The following PHACTR1 variants were observed in gnomAD, a reference collection of about 807,000 sequenced individuals.
The protein encoded by PHACTR1 is RPEL repeat containing 1.
A neutral mutation model predicts 69.2 loss-of-function variants in PHACTR1; 16 were observed. The observed-to-expected ratio is 0.23, with a 90% CI of 0.16 to 0.35. The LOEUF (loss-of-function observed/expected upper bound fraction) is 0.35, where lower values mean the gene tolerates loss of function less well. Ranked by LOEUF, PHACTR1 falls within the 10% of genes least tolerant of loss-of-function variation. The probability of loss-of-function intolerance (pLI) is 1.00; values close to 1 mark genes in which losing one functional copy is unlikely to be tolerated. For synonymous variants in PHACTR1, 312 were observed against 284.5 expected, an observed-to-expected ratio of 1.10 and a Z score of -0.97; for missense variants, 510 against 734.7, an observed-to-expected ratio of 0.69 and a Z score of 3.54.
intron 5 of PHACTR1, among the ~76,000 whole-genome samples, chr6:13,083,287 C>A (rs1811710289): frequency 6.6e-6 from 1 of 151,974 alleles, no homozygotes; most frequent in South Asian, 2.1e-4. Context: ...GGGCTCTGTT[C>A]TGTTCCATTG....
chr6:13,222,845 G>A (rs1041578813), intron 8 of PHACTR1, among the ~76,000 whole-genome samples: 2 of 152,194 alleles, frequency 1.3e-5, no homozygotes, highest in Non-Finnish European at 2.9e-5. Flanking sequence ...TGAATTATCT[G>A]GCCCAAAATG....
chr6:12,889,257 C>T (rs985250766), intron 4 of PHACTR1, among the ~76,000 whole-genome samples: 4 of 152,102 alleles, frequency 2.6e-5, no homozygotes, highest in South Asian at 2.1e-4. Flanking sequence ...GGCTACAGAG[C>T]GAGACCCAAT....
At chr6:12,727,611 C>G (rs897667599) in intron 3 of PHACTR1, among the ~76,000 whole-genome samples, 1 of 152,148 alleles carries the variant, frequency 6.6e-6, no homozygotes, top group African/African-American at 2.4e-5. Context: ...CTCTCACATA[C>G]CACACATGAG....
intron 4 of PHACTR1, among the ~76,000 whole-genome samples, chr6:13,047,427 T>C (rs967184317): frequency 1.3e-5 from 2 of 148,518 alleles, no homozygotes; most frequent in Non-Finnish European, 3.0e-5. Context: ...TTCAGCGTAG[T>C]GAGCTGACAG....
chr6:13,036,136 C>CAA lies in PHACTR1; in HGVS notation c.251-17219_251-17218dup, dbSNP rs143732239. Among the ~76,000 whole-genome samples, 57 of 142,800 alleles carry CAA rather than the reference C, an allele frequency of 4.0e-4. No individual in the cohort carries two copies. The South Asian group carries it at 6.9e-3, about 17-fold the overall frequency. The allele number at this position is 142,800 out of a possible 152,430, so 93.7% of individuals were successfully genotyped here. A position where few individuals can be genotyped will look rare whatever the true frequency, so the allele number is the denominator to read the frequency against. On this transcript the variant is annotated intron_variant, in intron 4 of 14. Transcript: ENST00000332995. ...TGGGATTAAATCCACCCCCGCATTC[C>CAA]AAAAAAAAAAAGACTGAAGAAAAGA...
intron 4 of PHACTR1, among the ~76,000 whole-genome samples, chr6:12,777,759 GA>G: frequency 6.7e-6 from 1 of 149,412 alleles, no homozygotes; most frequent in East Asian, 2.1e-4. Context: ...AGCCTCCCAA[GA>G]AGCTGGGATT....
intron 4 of PHACTR1, among the ~76,000 whole-genome samples, chr6:13,015,469 T>C (rs959525792): frequency 3.3e-5 from 5 of 152,166 alleles, no homozygotes; most frequent in African/African-American, 1.2e-4. Flanking sequence ...TCGAGACCTA[T>C]GGAATACAAA....
At chr6:13,225,137 G>GTGGATTTGTAACTAT (rs1769386406) in intron 8 of PHACTR1, among the ~76,000 whole-genome samples, 1 of 152,136 alleles carries the variant, frequency 6.6e-6, no homozygotes, top group Non-Finnish European at 1.5e-5. Context: ...TTACAAAAGG[G>GTGGATTTGTAACTAT]GTGGATTTAT....
intron 4 of PHACTR1, among the ~76,000 whole-genome samples, chr6:12,926,599 C>A (rs1788288997): frequency 6.6e-6 from 1 of 152,218 alleles, no homozygotes; most frequent in Admixed American, 6.5e-5. Context: ...TGACTCATAT[C>A]CTTGTCCCCA....
At chr6:13,248,419 A>G (rs962059896) in intron 10 of PHACTR1, among the ~76,000 whole-genome samples, 4 of 152,256 alleles carry the variant, frequency 2.6e-5, no homozygotes. Flanking sequence ...TGTATCACAT[A>G]TTAAGTGATC....
chr6:12,819,218 T>C (rs561279813), intron 4 of PHACTR1, among the ~76,000 whole-genome samples: 6 of 152,350 alleles, frequency 3.9e-5, no homozygotes, highest in African/African-American at 1.2e-4. Flanking sequence ...TTGGGGCTTC[T>C]CGTTTAATAT....
chr6:12,857,769 T>A (rs1780545938), intron 4 of PHACTR1, among the ~76,000 whole-genome samples: 1 of 152,190 alleles, frequency 6.6e-6, no homozygotes, highest in East Asian at 1.9e-4. Context: ...TTCATCAGGA[T>A]TAATGTCTCC....
At chr6:12,921,924 G>A (rs1787767317) in intron 4 of PHACTR1, among the ~76,000 whole-genome samples, 1 of 151,940 alleles carries the variant, frequency 6.6e-6, no homozygotes, top group African/African-American at 2.4e-5. Flanking sequence ...AGTGCCAGCA[G>A]GCCTTGTGAA....
At chr6:12,736,494 C>T (rs1397520221) in intron 3 of PHACTR1, among the ~76,000 whole-genome samples, 3 of 152,048 alleles carry the variant, frequency 2.0e-5, no homozygotes, top group Non-Finnish European at 2.9e-5. Flanking sequence ...ACATATTACC[C>T]TTAATATCAA....
At chr6:13,064,003 T>C (rs904616190) in intron 5 of PHACTR1, among the ~76,000 whole-genome samples, 1 of 152,150 alleles carries the variant, frequency 6.6e-6, no homozygotes, top group Non-Finnish European at 1.5e-5. Flanking sequence ...TGGCACCAAG[T>C]GGTGTTTACA....
chr6:13,252,676 C>A lies in PHACTR1; in HGVS notation c.1392-20184C>A, dbSNP rs1774646828. Among the ~76,000 whole-genome samples the A allele has an allele frequency of 2.0e-5, 3 of 151,536 alleles. No homozygotes were observed. The South Asian group carries it at 6.2e-4, about 32-fold the overall frequency. Reference sequence around the variant, plus strand: ...TCTCTTTGTTGTTGTGTCACATCTGCAGAAAAATGTATTTTGTGAAAGAGT... The same window carrying A: ...TCTCTTTGTTGTTGTGTCACATCTGAAGAAAAATGTATTTTGTGAAAGAGT... On this transcript the variant is annotated intron_variant, in intron 10 of 14. Transcript: ENST00000332995.
At chr6:12,890,444 C>T (rs9349372) in intron 4 of PHACTR1, among the ~76,000 whole-genome samples, 129,308 of 151,872 alleles carry the variant, frequency 0.85, 55,603 homozygotes, top group East Asian at 0.94. Flanking sequence ...ATGGCTTCCA[C>T]TTCACTCAGA....
At chr6:12,726,459 C>T (rs1021493810) in intron 3 of PHACTR1, among the ~76,000 whole-genome samples, 1 of 152,172 alleles carries the variant, frequency 6.6e-6, no homozygotes, top group Admixed American at 6.5e-5. Context: ...TGTTTTTATA[C>T]TTTTTGGCTG....
intron 4 of PHACTR1, among the ~76,000 whole-genome samples, chr6:12,916,041 T>C (rs1786952024): frequency 6.6e-6 from 1 of 152,212 alleles, no homozygotes; most frequent in Non-Finnish European, 1.5e-5. Context: ...AAAAGGGTAA[T>C]ACATGGGTAT....
Sources: allele counts gnomAD v4.1 joint callset (sites outside exome capture counted in the v4.1 genomes callset), GRCh38; gene constraint gnomAD v4.1.1; transcripts MANE v1.5; gene names NCBI Gene and HGNC (gene_info 2026-07-23, HGNC 2026-07-21).